The following MYT1L variants were observed in gnomAD, a reference collection of about 807,000 sequenced individuals.
MYT1L encodes the protein myelin transcription factor 1-like protein.
A neutral mutation model predicts 126.7 loss-of-function variants in MYT1L; 12 were observed. The observed-to-expected ratio is 0.09, with a 90% CI of 0.06 to 0.15. The LOEUF is 0.15. Ranked by LOEUF, MYT1L falls within the 10% of genes least tolerant of loss-of-function variation. MYT1L has a pLI of 1.00. For synonymous variants in MYT1L, 541 were observed against 604.2 expected (o/e 0.90, Z 1.53); for missense variants, 979 against 1,585.2 (o/e 0.62, Z 6.49).
chr2:1,860,955 C>T (rs567202813), intron 18 of MYT1L, among the ~76,000 whole-genome samples: 61 of 152,076 alleles, frequency 4.0e-4, no homozygotes, highest in African/African-American at 1.4e-3. Flanking sequence ...ACGGCGACCA[C>T]GCTCATGGCC....
chr2:2,115,986 G>A (rs1007519747), intron 3 of MYT1L, among the ~76,000 whole-genome samples: 73 of 148,292 alleles, frequency 4.9e-4, no homozygotes, highest in Non-Finnish European at 8.4e-4. Context: ...AAAACAGGAC[G>A]AGCCTGCTGT....
chr2:1,823,975 G>A (rs143676354), intron 21 of MYT1L, among the ~76,000 whole-genome samples: 3 of 151,354 alleles, frequency 2.0e-5, no homozygotes, highest in African/African-American at 7.3e-5. Context: ...TCCCTGGCAC[G>A]ACCCATGGGA....
At chr2:2,024,744 C>T (rs747478834) in intron 4 of MYT1L, among the ~76,000 whole-genome samples, 2 of 152,232 alleles carry the variant, frequency 1.3e-5, no homozygotes, top group Non-Finnish European at 1.5e-5. Context: ...CTTCCATAGC[C>T]AGCCGCAGTC....
chr2:2,138,768 G>A (rs1239961340), intron 3 of MYT1L, among the ~76,000 whole-genome samples: 4 of 146,830 alleles, frequency 2.7e-5, no homozygotes, highest in Non-Finnish European at 6.0e-5. Flanking sequence ...TGGGTGCAGC[G>A]CACCAGCATG....
chr2:1,965,792 A>C (rs1021755307), intron 8 of MYT1L, among the ~76,000 whole-genome samples: 1 of 152,218 alleles, frequency 6.6e-6, no homozygotes, highest in African/African-American at 2.4e-5. Context: ...AGGGGGATGC[A>C]CAGATGCCCA....
At chr2:1,874,661 A>G (rs529747045) in intron 18 of MYT1L, among the ~76,000 whole-genome samples, 1 of 152,266 alleles carries the variant, frequency 6.6e-6, no homozygotes, top group East Asian at 1.9e-4. Context: ...TGTCGGACAC[A>G]GGGTGGCAGA....
chr2:2,142,140 C>T (rs1349089735), intron 3 of MYT1L, among the ~76,000 whole-genome samples: 1 of 152,094 alleles, frequency 6.6e-6, no homozygotes, highest in Admixed American at 6.6e-5. Flanking sequence ...CGGCTGTTGT[C>T]CCCCTTTCTC....
At chr2:2,330,564 A>G (rs1337027832) in intron 1 of MYT1L, among the ~76,000 whole-genome samples, 2 of 152,212 alleles carry the variant, frequency 1.3e-5, no homozygotes, top group African/African-American at 4.8e-5. Context: ...CCATCAGGTA[A>G]ATTCATCCAA....
In MYT1L at chr2:1,857,083, C is replaced by A. The variant is rs371397275; in HGVS notation, c.2712-5380G>T. On this transcript the variant is annotated intron_variant, in intron 18 of 24. Transcript: ENST00000647738. Reference sequence around the variant, plus strand: ...GCCTGGGAGTCCTCCCAGCCTGACTCAGTGTTTCACAGGAGCATGAACACG... The same window carrying A: ...GCCTGGGAGTCCTCCCAGCCTGACTAAGTGTTTCACAGGAGCATGAACACG... Among the ~76,000 whole-genome samples the A allele has an allele frequency of 3.3e-5, 5 of 152,272 alleles. No homozygotes were observed. The East Asian group carries it at 9.7e-4, about 30-fold the overall frequency.
intron 21 of MYT1L, among the ~76,000 whole-genome samples, chr2:1,821,966 G>A (rs1008944375): frequency 1.3e-5 from 2 of 152,236 alleles, no homozygotes; most frequent in Non-Finnish European, 2.9e-5. Flanking sequence ...GCATCCGGGA[G>A]TCGAACCCCT....
At chr2:2,083,149 A>G (rs1262887659) in intron 3 of MYT1L, among the ~76,000 whole-genome samples, 1 of 152,158 alleles carries the variant, frequency 6.6e-6, no homozygotes, top group Non-Finnish European at 1.5e-5. Flanking sequence ...TTTAAATGCA[A>G]TGCACTCTAA....
intron 3 of MYT1L, among the ~76,000 whole-genome samples, chr2:2,067,380 G>C (rs2074009547): frequency 6.6e-6 from 1 of 152,156 alleles, no homozygotes; most frequent in South Asian, 2.1e-4. Context: ...ACTGACAAAA[G>C]ATGGAACTGT....
Position 1,887,642 on chromosome 2 carries a change from G to C in MYT1L, c.2521-33C>G, listed in dbSNP as rs780407266. 1 of 1,613,824 alleles carries C rather than the reference G, an allele frequency of 6.2e-7. No individual in the cohort carries two copies. Among genetic ancestry groups the C allele is most frequent in the Non-Finnish European group, 8.5e-7 (1 of 1,179,832 alleles). On this transcript the variant is annotated intron_variant, in intron 16 of 24. Coordinates refer to ENST00000647738, the MANE Select transcript of MYT1L (RefSeq NM_001303052.2). This position sits in a 1 kb window ranked among gnomAD's most constrained non-coding sequence, Gnocchi z 4.8. ...CAAAACACAGCTTCAGAGCCACACG[G>C]ATGATCACATGGCACACAGACTGAG... is the stretch of plus-strand genomic sequence containing the variant.
chr2:2,158,462 C>T (rs1192776129), intron 3 of MYT1L, among the ~76,000 whole-genome samples: 1 of 152,174 alleles, frequency 6.6e-6, no homozygotes, highest in Non-Finnish European at 1.5e-5. Flanking sequence ...CAAATGCGCA[C>T]CATGAGATCG....
intron 14 of MYT1L, among the ~76,000 whole-genome samples, chr2:1,901,650 T>G (rs2148948331): frequency 6.6e-6 from 1 of 152,308 alleles, no homozygotes; most frequent in Middle Eastern, 3.4e-3. Flanking sequence ...ATAAAAATGG[T>G]TTCTGAAGTC....
intron 4 of MYT1L, among the ~76,000 whole-genome samples, chr2:2,033,377 A>G (rs1373173933): frequency 7.2e-6 from 1 of 138,358 alleles, no homozygotes; most frequent in Non-Finnish European, 1.5e-5. Flanking sequence ...GGAGGGCCTT[A>G]CACATACCCC....
intron 2 of MYT1L, among the ~76,000 whole-genome samples, chr2:2,280,278 A>G (rs1169817293): frequency 2.6e-5 from 4 of 152,226 alleles, no homozygotes; most frequent in Non-Finnish European, 5.9e-5. Flanking sequence ...GGCATTGCAT[A>G]CATACCCTGG....
chr2:2,327,444 A>G (rs2096256464), intron 1 of MYT1L, among the ~76,000 whole-genome samples: 1 of 152,222 alleles, frequency 6.6e-6, no homozygotes, highest in Admixed American at 6.5e-5. Flanking sequence ...CTCCTTTCTA[A>G]AGAATACTAC....
chr2:1,934,615 C>G (rs2055569522), intron 9 of MYT1L, among the ~76,000 whole-genome samples: 1 of 152,002 alleles, frequency 6.6e-6, no homozygotes, highest in South Asian at 2.1e-4. Context: ...AACAGCTACT[C>G]AGATAGAGAC....
Sources: allele counts gnomAD v4.1 joint callset (sites outside exome capture counted in the v4.1 genomes callset), GRCh38; gene constraint gnomAD v4.1.1; non-coding constraint Gnocchi (gnomAD v3.1); transcripts MANE v1.5; gene names NCBI Gene and HGNC (gene_info 2026-07-23, HGNC 2026-07-21).